CALD1: variants seen among roughly 807,000 people sequenced by gnomAD.
CALD1 encodes caldesmon 1.
CALD1 carries 33 observed loss-of-function variants against 99.9 expected under a neutral mutation model. The observed-to-expected ratio is 0.33, with a 90% confidence interval of 0.25 to 0.44. CALD1 has a LOEUF of 0.44. CALD1 is among the 20% of genes least tolerant of loss of function. The pLI is 1.00. For synonymous variants in CALD1, 310 were observed against 325.0 expected, an observed-to-expected ratio of 0.95 and a Z score of 0.50; for missense variants, 861 against 962.1, an observed-to-expected ratio of 0.89 and a Z score of 1.39.
Position 134,933,392 on chromosome 7 carries a change from T to A in CALD1, c.623T>A (p.Val208Glu). 1.2e-6 allele frequency: 2 copies of A among 1,610,748 alleles called. No individual in the cohort carries two copies. Among genetic ancestry groups the A allele is most frequent in the African/African-American group, 2.7e-5 (2 of 74,440 alleles). The change falls in exon 5 of 15, where the codon GTA (valine) becomes GAA (glutamate). Residue 208 changes from valine (V) to glutamate (E), a missense_variant. Coordinates refer to ENST00000361675, the MANE Select transcript of CALD1 (RefSeq NM_033138.4). ...PKRGSIGENQ[V>E]EVMVEEKTTE... is the part of the protein sequence containing the mutation. The stretch of plus-strand genomic sequence containing the variant: ...CGAGGGAGCATTGGAGAAAATCAGG[T>A]AGAGGTGATGGTGGAAGAGAAAACA...
At chr7:134,759,296 A>C (rs1796756903) in intron 1 of CALD1, among the ~76,000 whole-genome samples, 1 of 152,226 alleles carries the variant, frequency 6.6e-6, no homozygotes, top group South Asian at 2.1e-4. Context: ...GTCTAAGTGC[A>C]AGGTAGAGAC....
At chr7:134,741,510 C>A (rs1469037584), upstream of CALD1, among the ~76,000 whole-genome samples, 2 of 152,092 alleles carry the variant, frequency 1.3e-5, no homozygotes, top group African/African-American at 4.8e-5. Flanking sequence ...GCACTCAATT[C>A]ATGTTCAATA....
the CALD1 span, among the ~76,000 whole-genome samples, chr7:134,737,455 T>C: frequency 1.6e-4 from 25 of 152,232 alleles, no homozygotes; most frequent in African/African-American, 5.8e-4. Flanking sequence ...TTTAAATAAC[T>C]ATGCATTTTA....
At chr7:134,838,359 T>A (rs1398226158) in intron 1 of CALD1, among the ~76,000 whole-genome samples, 1 of 152,136 alleles carries the variant, frequency 6.6e-6, no homozygotes, top group African/African-American at 2.4e-5. Flanking sequence ...ACATACAATT[T>A]TAAAAAATAA....
chr7:134,739,406 C>G (rs1055300108), upstream of CALD1, among the ~76,000 whole-genome samples: 2 of 152,170 alleles, frequency 1.3e-5, no homozygotes, highest in African/African-American at 2.4e-5. Context: ...AGGTTTAATA[C>G]CATACTTAAC....
rs544243476 is a variant in CALD1, at chr7:134,839,488, T to C, written c.-129-4396T>C. 2.0e-5 allele frequency among the ~76,000 whole-genome samples: 3 copies of C among 152,322 alleles called. No individual in the cohort carries two copies. In the South Asian group the frequency reaches 6.2e-4, roughly 32 times the overall value. ...TTCAGCTTTAGCACATGCTGCCAAA[T>C]CTTTTTCCCAAGTGATTTTGCCAAT... On this transcript the variant is annotated intron_variant, in intron 1 of 14. Transcript: ENST00000361675.
chr7:134,772,384 C>T (rs555450911), intron 1 of CALD1, among the ~76,000 whole-genome samples: 68 of 152,284 alleles, frequency 4.5e-4, no homozygotes, highest in African/African-American at 1.5e-3. Context: ...AGCAAGCCAC[C>T]GTGCCCAGCC....
In CALD1 at chr7:134,880,721, C is replaced by T. The variant is rs181558327; in HGVS notation, c.71+12917C>T. ...AAGGACCTATTATTAAGGGGCCTCG[C>T]GCAAAAGTTGTGATGTAGAAAGAAC... On this transcript the variant is annotated intron_variant, in intron 3 of 14. Transcript: ENST00000361675. Among the ~76,000 whole-genome samples, 67 of 152,120 alleles carry T rather than the reference C, an allele frequency of 4.4e-4. 1 individual carries two copies. Among genetic ancestry groups the T allele is most frequent in the East Asian group, 7.7e-4 (4 of 5,180 alleles).
At chr7:134,831,745 A>C (rs1799230706) in intron 1 of CALD1, among the ~76,000 whole-genome samples, 1 of 152,188 alleles carries the variant, frequency 6.6e-6, no homozygotes, top group African/African-American at 2.4e-5. Context: ...TGTTAGTGGA[A>C]GAGATCCGAG....
At chr7:134,965,518 AG>A in intron 14 of CALD1, 132 bp downstream of exon 14, 1 of 651,734 alleles carries the variant, frequency 1.5e-6, no homozygotes, top group Non-Finnish European at 2.8e-6. Context: ...AGTGTCTAAA[AG>A]ACCAGTACAT....
At chr7:134,776,953 G>T (rs1241187582), upstream of CALD1, among the ~76,000 whole-genome samples, 1 of 151,892 alleles carries the variant, frequency 6.6e-6, no homozygotes, top group African/African-American at 2.4e-5. Context: ...GATTTATTAT[G>T]GTTCGATTAA....
At chr7:134,937,616 A>AT (rs199957818) in intron 6 of CALD1, among the ~76,000 whole-genome samples, 107 of 136,692 alleles carry the variant, frequency 7.8e-4, no homozygotes, top group African/African-American at 2.1e-3. Context: ...ACCTCTTCCT[A>AT]TTTTTTTTTC....
intron 3 of CALD1, among the ~76,000 whole-genome samples, chr7:134,924,636 C>CT (rs955954488): frequency 6.6e-6 from 1 of 152,052 alleles, no homozygotes; most frequent in Non-Finnish European, 1.5e-5. Flanking sequence ...CATTTTAGCT[C>CT]TTTTTTTGTT....
intron 1 of CALD1, among the ~76,000 whole-genome samples, chr7:134,772,963 T>A (rs1796888209): frequency 6.6e-6 from 1 of 152,226 alleles, no homozygotes; most frequent in African/African-American, 2.4e-5. Flanking sequence ...TCCTCCTTCT[T>A]GGTTTCTAAT....
chr7:134,741,798 C>T (rs79837684), upstream of CALD1, among the ~76,000 whole-genome samples: 4,071 of 152,162 alleles, frequency 0.027, 170 homozygotes, highest in African/African-American at 0.093. Flanking sequence ...GTGAATTAAA[C>T]GTGGCAAGTT....
chr7:134,881,739 T>C (rs369426242), intron 3 of CALD1, among the ~76,000 whole-genome samples: 4 of 152,180 alleles, frequency 2.6e-5, no homozygotes, highest in African/African-American at 9.7e-5. Context: ...AATCAGATGC[T>C]GAGAAAACAC....
chr7:134,776,639 T>C (rs961831078), upstream of CALD1, among the ~76,000 whole-genome samples: 1 of 152,206 alleles, frequency 6.6e-6, no homozygotes, highest in South Asian at 2.1e-4. Context: ...TTGATAAACC[T>C]GGGTGTTGGC....
At chr7:134,922,978 G>T (rs1019988505) in intron 3 of CALD1, among the ~76,000 whole-genome samples, 1 of 152,168 alleles carries the variant, frequency 6.6e-6, no homozygotes, top group Non-Finnish European at 1.5e-5. Flanking sequence ...TCCAGGAATG[G>T]AAGAAAAGCC....
rs142353656 is a variant in CALD1, at chr7:134,765,709, G to T, written c.-130+21346G>T. On this transcript the variant is annotated intron_variant, in intron 1 of 13. Transcript: ENST00000417172. The stretch of plus-strand genomic sequence containing the variant: ...CCTGGTAGGAGGTGATCGGATCATG[G>T]GGATGGATTTCTCATGAATGGTTTA... Among the ~76,000 whole-genome samples the T allele has an allele frequency of 3.7e-3, 571 of 152,292 alleles. 2 individuals carry two copies. Among genetic ancestry groups the T allele is most frequent in the African/African-American group, 0.013 (541 of 41,544 alleles).
Sources: gnomAD v4.1 joint callset for allele counts (sites outside exome capture counted in the v4.1 genomes callset) on GRCh38, gnomAD v4.1.1 for gene constraint, MANE v1.5 for transcripts, NCBI Gene and HGNC (gene_info 2026-07-23, HGNC 2026-07-21) for gene names.